The following MSMB variants were observed in gnomAD, a reference collection of about 807,000 sequenced individuals.
MSMB encodes the protein microseminoprotein beta.
In MSMB, 10 loss-of-function variants were observed where a neutral mutation model predicts 10.5. That is an observed-to-expected ratio of 0.95 (90% CI 0.59 to 1.62). The LOEUF is 1.62. Among genes scored for constraint, MSMB ranks in the 40% most tolerant of loss-of-function variants. The pLI is 0.00. For synonymous variants in MSMB, 43 were observed against 46.5 expected (o/e 0.93, Z 0.30); for missense variants, 126 against 137.4 (o/e 0.92, Z 0.42).
chr10:46,044,158 C>T (rs114553051), intron 1 of MSMB, among the ~76,000 whole-genome samples: 8 of 152,244 alleles, frequency 5.3e-5, no homozygotes, highest in African/African-American at 1.4e-4. Context: ...TCTTCCTTTC[C>T]TGCATTTAGT....
intron 3 of MSMB, among the ~76,000 whole-genome samples, chr10:46,037,927 T>C (rs1242086169): frequency 6.6e-6 from 1 of 152,210 alleles, no homozygotes; most frequent in African/African-American, 2.4e-5. Context: ...TTACAGAACA[T>C]GATTCAGCCT....
intron 3 of MSMB, among the ~76,000 whole-genome samples, chr10:46,038,038 G>C (rs1358767720): frequency 1.3e-5 from 2 of 152,182 alleles, no homozygotes; most frequent in African/African-American, 4.8e-5. Flanking sequence ...ATTACTGTAT[G>C]ATTCCACTTA....
chr10:46,046,199 C>G (rs1554929414), intron 1 of MSMB, 36 bp downstream of exon 1: 2 of 1,599,220 alleles, frequency 1.3e-6, no homozygotes, highest in Non-Finnish European at 1.7e-6. Flanking sequence ...TTCTCTTTTG[C>G]TTTTCTAGCC....
At chr10:46,033,603 C>T (rs1840517549) in intron 3 of MSMB, 52 bp from the exon 4 acceptor site, 3 of 1,602,452 alleles carry the variant, frequency 1.9e-6, no homozygotes, top group Non-Finnish European at 2.6e-6. Flanking sequence ...ACCCCGAGCA[C>T]CCCCTCCCCA....
In MSMB at chr10:46,033,500, C is replaced by A. The variant is rs994271072; in HGVS notation, c.267G>T (p.Lys89Asn). Residue 89 changes from lysine (K) to asparagine (N), a missense_variant, in exon 4 of 4, where the codon AAG becomes AAT. By Grantham distance (94) the Lys-to-Asn change is moderately conservative (BLOSUM62 0). Coordinates refer to ENST00000582163, the MANE Select transcript of MSMB (RefSeq NM_002443.4). The stretch of plus-strand genomic sequence containing the variant: ...CCACGATATACTTGCAGTCCTCCTT[C>A]TTGAAGATTCTTTGGCAGTTGTCTT... ...YDKDNCQRIF[K>N]KEDCKYIVVE... 1.9e-6 allele frequency: 3 copies of A among 1,613,926 alleles called. No individual in the cohort carries two copies.
rs1397995461 is a variant in MSMB, at chr10:46,039,961, T to A, written c.109+25A>T. The A allele has an allele frequency of 5.1e-6, 8 of 1,564,748 alleles. No individual in the cohort carries two copies. The Admixed American group carries it at 1.0e-4, about 20-fold the overall frequency. ...CATCTACCAGGCTGCAATAACATAATAAACATTGAAAAGCCAAGACTTACT... is the reference window on the plus strand; with the variant it reads ...CATCTACCAGGCTGCAATAACATAAAAAACATTGAAAAGCCAAGACTTACT... On this transcript the variant is annotated intron_variant, in intron 2 of 3. Transcript: ENST00000582163.
At chr10:46,042,235 A>G (rs1039505712) in intron 1 of MSMB, among the ~76,000 whole-genome samples, 7 of 152,208 alleles carry the variant, frequency 4.6e-5, no homozygotes, top group Admixed American at 2.0e-4. Flanking sequence ...TGGGAGAAGA[A>G]AAACATCTTA....
rs1554928241 is a variant in MSMB, at chr10:46,040,059, G to A, written c.36C>T (p.Ala12=). 4 of 1,613,788 alleles carry A rather than the reference G, an allele frequency of 2.5e-6. No homozygotes were observed. Among genetic ancestry groups the A allele is most frequent in the Admixed American group, 1.7e-5 (1 of 59,988 alleles). Residue 12 remains alanine, a synonymous_variant, in exon 2 of 4, where the codon GCC becomes GCT. Coordinates refer to ENST00000582163, the MANE Select transcript of MSMB (RefSeq NM_002443.4). ...ATGCATTGCATAAAGTCACGAAGGTGGCAAAGATCACAACGCTGCCCAGGA... is the reference window on the plus strand; with the variant it reads ...ATGCATTGCATAAAGTCACGAAGGTAGCAAAGATCACAACGCTGCCCAGGA... ...NVLLGSVVIF[A]TFVTLCNASC...
chr10:46,041,188 C>A (rs1231024791), intron 1 of MSMB, among the ~76,000 whole-genome samples: 1 of 151,612 alleles, frequency 6.6e-6, no homozygotes, highest in Admixed American at 6.6e-5. Context: ...TACTAAAATA[C>A]CAAAAAATTA....
intron 1 of MSMB, among the ~76,000 whole-genome samples, chr10:46,044,599 A>AAAAAAAAAAAAAAAAT (rs1840848632): frequency 7.0e-6 from 1 of 143,130 alleles, no homozygotes; most frequent in African/African-American, 2.9e-5. Context: ...AAAAAAAAAA[A>AAAAAAAAAAAAAAAAT]AAAAGTTGTA....
At chr10:46,036,915 A>T (rs1840621356) in intron 3 of MSMB, among the ~76,000 whole-genome samples, 1 of 152,256 alleles carries the variant, frequency 6.6e-6, no homozygotes, top group Non-Finnish European at 1.5e-5. Context: ...CACCAGAGTG[A>T]CATCAACACT....
chr10:46,042,620 G>A (rs10994213), intron 1 of MSMB, among the ~76,000 whole-genome samples: 31,710 of 151,996 alleles, frequency 0.21, 3,946 homozygotes, highest in African/African-American at 0.36. Context: ...CCTCCACAAC[G>A]ATGCTCACTG....
chr10:46,046,199 C>T, intron 1 of MSMB, 36 bp downstream of exon 1: 1 of 1,599,338 alleles, frequency 6.3e-7, no homozygotes, highest in Admixed American at 1.7e-5. Flanking sequence ...TTCTCTTTTG[C>T]TTTTCTAGCC....
intron 3 of MSMB, among the ~76,000 whole-genome samples, chr10:46,038,002 T>C (rs1457929180): frequency 1.3e-5 from 2 of 152,130 alleles, no homozygotes; most frequent in Admixed American, 6.5e-5. Flanking sequence ...TTATGCTAAG[T>C]GAAATGAGCC....
chr10:46,039,132 G>A, intron 2 of MSMB, 61 bp from the exon 3 acceptor site: 1 of 1,426,418 alleles, frequency 7.0e-7, no homozygotes, highest in Non-Finnish European at 9.8e-7. Flanking sequence ...GGCCTATCAG[G>A]ACATTGAGTC....
chr10:46,037,868 A>G (rs892747540), intron 3 of MSMB, among the ~76,000 whole-genome samples: 1 of 152,232 alleles, frequency 6.6e-6, no homozygotes, highest in Non-Finnish European at 1.5e-5. Context: ...AAAACAACCC[A>G]AGTGTTCATC....
At position 46,038,979 on chromosome 10, in the gene MSMB, A is replaced by T. The variant is rs1554927980; in HGVS notation, c.202T>A (p.Ser68Thr). The stretch of plus-strand genomic sequence containing the variant: ...CTTGAGACTTACAGGGTGCAACATG[A>T]AATTTCTGTTTCGTAGCAAGTGCAT... ...ETCTCYETEI[S>T]CCTLVSTPVG... Residue 68 changes from serine to threonine, a missense_variant, in exon 3 of 4, where the codon TCA (serine) becomes ACA (threonine). Transcript: ENST00000582163. 1 of 1,613,682 alleles carries T rather than the reference A, an allele frequency of 6.2e-7. No individual in the cohort carries two copies. The highest frequency in any genetic ancestry group is 1.3e-5 in the African/African-American group (1 of 74,892).
At chr10:46,043,375 C>A (rs1317906491) in intron 1 of MSMB, among the ~76,000 whole-genome samples, 2 of 152,100 alleles carry the variant, frequency 1.3e-5, no homozygotes, top group Non-Finnish European at 2.9e-5. Flanking sequence ...TTGACAGTAT[C>A]TCAGAAATAG....
rs377400576 is a variant in MSMB at position 46,036,241 on chromosome 10, G to C, written c.216-2690C>G. On this transcript the variant is annotated intron_variant, in intron 3 of 3. Transcript: ENST00000582163. Reference sequence around the variant, plus strand: ...CTGCCACCGAGCACCTTGAGATCTGGGCAGCGTCCCATAGAGGGTGCAGTG... The same window carrying C: ...CTGCCACCGAGCACCTTGAGATCTGCGCAGCGTCCCATAGAGGGTGCAGTG... Among the ~76,000 whole-genome samples, 6 of 152,320 alleles carry C rather than the reference G, an allele frequency of 3.9e-5. No individual in the cohort carries two copies. In the East Asian group the frequency reaches 9.6e-4, roughly 24 times the overall value.
Sources: gnomAD v4.1 joint callset for allele counts (sites outside exome capture counted in the v4.1 genomes callset) on GRCh38, gnomAD v4.1.1 for gene constraint, MANE v1.5 for transcripts, NCBI Gene and HGNC (gene_info 2026-07-23, HGNC 2026-07-21) for gene names.